PYGL: variants seen among roughly 807,000 people sequenced by gnomAD.
PYGL encodes the protein glycogen phosphorylase, liver form.
PYGL carries 90 observed loss-of-function variants against 100.1 expected under a neutral mutation model. That is an observed-to-expected ratio of 0.90 (90% CI 0.76 to 1.07). The LOEUF (loss-of-function observed/expected upper bound fraction) is 1.07. PYGL is among the 50% of genes least tolerant of loss of function. The pLI is 0.00. For missense variants in PYGL, 1,016 were observed against 1,057.6 expected, an observed-to-expected ratio of 0.96 and a Z score of 0.55; for synonymous variants, 373 against 393.0, an observed-to-expected ratio of 0.95 and a Z score of 0.60.
intron 4 of PYGL, among the ~76,000 whole-genome samples, chr14:50,930,195 C>T (rs1443968126): frequency 6.6e-6 from 1 of 152,176 alleles, no homozygotes; most frequent in Non-Finnish European, 1.5e-5. Flanking sequence ...TCCTCCTTTT[C>T]TTAGGCAAAA....
intron 4 of PYGL, among the ~76,000 whole-genome samples, chr14:50,924,484 C>T (rs966757854): frequency 1.3e-5 from 2 of 152,156 alleles, no homozygotes; most frequent in Non-Finnish European, 1.5e-5. Context: ...TAAAGACAGA[C>T]GCCTTACAGG....
At chr14:50,914,570 C>A (rs1311322825) in intron 12 of PYGL, 131 bp downstream of exon 12, 2 of 704,456 alleles carry the variant, frequency 2.8e-6, no homozygotes, top group East Asian at 5.6e-5. Context: ...GCATGGAGTC[C>A]TGTGTGACTG....
In PYGL at chr14:50,917,224, T is replaced by TG. The variant is rs1253163586; in HGVS notation, c.856-120dup. ...GGCCCATTGGACATCTGCTGAGGGG[T>TG]GGTGGTTTGAATGCCAAACTGTGAG... On this transcript the variant is annotated intron_variant, in intron 7 of 19. Coordinates refer to ENST00000216392, the MANE Select transcript of PYGL (RefSeq NM_002863.5). 3 of 1,191,028 alleles carry TG rather than the reference T, an allele frequency of 2.5e-6. No individual in the cohort carries two copies. The African/African-American group carries it at 4.5e-5, about 18-fold the overall frequency. 73.8% of individuals were successfully genotyped at this position (1,191,028 alleles called of 1,614,324 possible).
rs149750590 is a variant in PYGL at position 50,906,583 on chromosome 14, G to A, written c.2380-1027C>T. 1.2e-4 allele frequency among the ~76,000 whole-genome samples: 19 copies of A among 152,294 alleles called. No individual in the cohort carries two copies. In the East Asian group the frequency reaches 3.7e-3, roughly 29 times the overall value. On this transcript the variant is annotated intron_variant, in intron 19 of 19. Transcript: ENST00000216392. ...AATGCTGGGTTTCTAGATGAGCATCGTTTGGATTTGGGCCATAATTTTAAC... is the reference window on the plus strand; with the variant it reads ...AATGCTGGGTTTCTAGATGAGCATCATTTGGATTTGGGCCATAATTTTAAC...
In PYGL at chr14:50,929,908, C is replaced by T. The variant is rs560624712; in HGVS notation, c.528+1765G>A. The stretch of plus-strand genomic sequence containing the variant: ...TAGAAGATAGTATATATATTTCTTA[C>T]AGAAAATGAGATATGTAGAAGAGTA... On this transcript the variant is annotated intron_variant, in intron 4 of 19. Coordinates refer to ENST00000216392, the MANE Select transcript of PYGL (RefSeq NM_002863.5). 7.9e-5 allele frequency among the ~76,000 whole-genome samples: 12 copies of T among 152,232 alleles called. No homozygotes were observed. In the East Asian group the frequency reaches 2.1e-3, roughly 27 times the overall value.
chr14:50,937,629 T>C, intron 2 of PYGL, 107 bp downstream of exon 2: 1 of 1,121,082 alleles, frequency 8.9e-7, no homozygotes, highest in African/African-American at 1.5e-5. Context: ...ATAGAGGCGA[T>C]TTTTCACTCT....
intron 8 of PYGL, 79 bp downstream of exon 8, chr14:50,916,883 G>A: frequency 1.9e-6 from 3 of 1,571,816 alleles, no homozygotes; most frequent in Non-Finnish European, 1.8e-6. Context: ...TTAGCACTGA[G>A]AGAGAGGAAT....
At chr14:50,935,002 G>T in intron 3 of PYGL, 105 bp downstream of exon 3, 1 of 1,056,520 alleles carries the variant, frequency 9.5e-7, no homozygotes, top group Non-Finnish European at 1.5e-6. Flanking sequence ...CATACCTTGC[G>T]CTTCTTCTAG....
intron 16 of PYGL, among the ~76,000 whole-genome samples, chr14:50,910,870 A>T (rs1237175592): frequency 6.6e-6 from 1 of 152,224 alleles, no homozygotes; most frequent in East Asian, 1.9e-4. Flanking sequence ...GCTGATTTGC[A>T]CGCAAATTAG....
chr14:50,921,524 T>G (rs967787717), intron 5 of PYGL: 2 of 158,124 alleles, frequency 1.3e-5, no homozygotes, highest in Admixed American at 1.2e-4. Flanking sequence ...GGACTACAGG[T>G]GCCCGCCACC....
chr14:50,928,784 A>T, intron 4 of PYGL, among the ~76,000 whole-genome samples: 1 of 140,288 alleles, frequency 7.1e-6, no homozygotes, highest in East Asian at 2.8e-4. Flanking sequence ...TTGTAAGAAC[A>T]GTGTTACGTG....
chr14:50,944,028 C>T (rs1035148425), intron 1 of PYGL, 133 bp downstream of exon 1: 2 of 1,238,822 alleles, frequency 1.6e-6, no homozygotes, highest in African/African-American at 3.0e-5. Context: ...CTAGACACGT[C>T]TCCTCTGGAC....
intron 19 of PYGL, among the ~76,000 whole-genome samples, chr14:50,906,898 G>A (rs182957240): frequency 1.3e-5 from 2 of 152,314 alleles, no homozygotes; most frequent in Admixed American, 6.5e-5. Context: ...CAGCACAGGC[G>A]TTGAATGATC....
At chr14:50,928,849 C>T (rs530368139) in intron 4 of PYGL, among the ~76,000 whole-genome samples, 23 of 152,234 alleles carry the variant, frequency 1.5e-4, no homozygotes, top group African/African-American at 4.6e-4. Context: ...TTGACAGATG[C>T]ATTTTGCTTT....
chr14:50,905,467 T>G lies in PYGL; in HGVS notation c.2469A>C (p.Gln823His). 6.2e-7 allele frequency: 1 copy of G among 1,613,880 alleles called. No individual in the cohort carries two copies. Among genetic ancestry groups the G allele is most frequent in the Non-Finnish European group, 8.5e-7 (1 of 1,179,740 alleles). Reference protein sequence around the residue: ...SSDRTIKEYAQNIWNVEPSDL... With the variant: ...SSDRTIKEYAHNIWNVEPSDL... ...CTGAAGGTTCCACGTTCCAGATGTT[T>G]TGGGCATATTCTTTAATTGTTCGGT... is the stretch of plus-strand genomic sequence containing the variant. Residue 823 changes from glutamine to histidine, a missense_variant, in exon 20 of 20, where the codon CAA (glutamine) becomes CAC (histidine). Gln to His is a conservative substitution (Grantham distance 24). Coordinates refer to ENST00000216392, the MANE Select transcript of PYGL (RefSeq NM_002863.5).
chr14:50,915,905 G>T lies in PYGL; in HGVS notation c.1159C>A (p.Arg387Ser). The T allele has an allele frequency of 6.2e-7, 1 of 1,614,208 alleles. No individual in the cohort carries two copies. The highest frequency in any genetic ancestry group is 8.5e-7 in the Non-Finnish European group (1 of 1,180,014). ...TTCTCCACCAGGTCCACGGGCCAGCGCTCCAGGGCTTCCGGGAGCACTGTG... is the reference window on the plus strand; with the variant it reads ...TTCTCCACCAGGTCCACGGGCCAGCTCTCCAGGGCTTCCGGGAGCACTGTG... ...NHTVLPEALERWPVDLVEKLL... is the reference protein window; with the variant it reads ...NHTVLPEALESWPVDLVEKLL... The change falls in exon 10 of 20, where the codon CGC (arginine) becomes AGC (serine). Residue 387 changes from arginine (R) to serine (S), a missense_variant. Transcript: ENST00000216392.
chr14:50,911,397 CTG>C (rs1291544822), intron 16 of PYGL, among the ~76,000 whole-genome samples: 1 of 152,214 alleles, frequency 6.6e-6, no homozygotes, highest in African/African-American at 2.4e-5. Context: ...TCTTGCAAAA[CTG>C]GGGCTGGGAA....
At chr14:50,907,524 G>T (rs1378075397) in intron 19 of PYGL, among the ~76,000 whole-genome samples, 2 of 151,850 alleles carry the variant, frequency 1.3e-5, no homozygotes, top group African/African-American at 4.8e-5. Flanking sequence ...TGTACCTCTG[G>T]TTAAGAATCT....
intron 1 of PYGL, among the ~76,000 whole-genome samples, chr14:50,941,054 G>A (rs1049839232): frequency 3.3e-5 from 5 of 152,192 alleles, no homozygotes; most frequent in Non-Finnish European, 7.3e-5. Flanking sequence ...CACCTGGACT[G>A]AGAAGTGCTT....
Sources: gnomAD v4.1 joint callset for allele counts (sites outside exome capture counted in the v4.1 genomes callset) on GRCh38, gnomAD v4.1.1 for gene constraint, MANE v1.5 for transcripts, NCBI Gene and HGNC (gene_info 2026-07-23, HGNC 2026-07-21) for gene names.